The following GOLIM4 variants were observed in gnomAD, a reference collection of about 807,000 sequenced individuals.
The protein encoded by GOLIM4 is golgi integral membrane protein 4.
In GOLIM4, 71 loss-of-function variants were observed where a neutral mutation model predicts 107.4. The ratio of observed to expected loss-of-function variants is 0.66; its 90% confidence interval spans 0.55 to 0.81. GOLIM4 has a LOEUF of 0.81. Among genes scored for constraint, GOLIM4 ranks in the 30% least tolerant of loss-of-function variants. GOLIM4 has a pLI of 0.00. For missense variants in GOLIM4, 830 were observed against 826.1 expected (o/e 1.00, Z -0.06); for synonymous variants, 327 against 294.8 (o/e 1.11, Z -1.12).
chr3:168,017,810 A>G (rs566862833), intron 14 of GOLIM4, among the ~76,000 whole-genome samples: 1 of 152,156 alleles, frequency 6.6e-6, no homozygotes, highest in East Asian at 1.9e-4. Context: ...AGTCTATTGA[A>G]CTGCCTCAAA....
intron 1 of GOLIM4, among the ~76,000 whole-genome samples, chr3:168,061,957 G>A (rs577339374): frequency 6.6e-6 from 1 of 152,180 alleles, no homozygotes; most frequent in South Asian, 2.1e-4. Flanking sequence ...CTTATGATTC[G>A]TGTACTTTTG....
At chr3:168,027,989 A>T (rs779073453) in intron 11 of GOLIM4, 152 bp from the exon 12 acceptor site, 4 of 625,518 alleles carry the variant, frequency 6.4e-6, no homozygotes, top group Non-Finnish European at 1.1e-5. Context: ...GGCTTTTCTG[A>T]ATAAGGTTAT....
intron 1 of GOLIM4, among the ~76,000 whole-genome samples, chr3:168,090,217 C>G (rs981616096): frequency 1.3e-5 from 2 of 151,610 alleles, no homozygotes; most frequent in South Asian, 4.2e-4. Flanking sequence ...GTCTGCACAC[C>G]GAAAGAAACA....
chr3:168,078,226 A>G (rs1721164035), intron 1 of GOLIM4, among the ~76,000 whole-genome samples: 4 of 152,184 alleles, frequency 2.6e-5, no homozygotes, highest in Admixed American at 2.6e-4. Flanking sequence ...TGTTATTTTA[A>G]TAAAAAATTA....
In GOLIM4 at chr3:168,043,484, C is replaced by G; in HGVS notation, c.412G>C (p.Glu138Gln). 2.5e-6 allele frequency: 4 copies of G among 1,613,538 alleles called. No homozygotes were observed. Among genetic ancestry groups the G allele is most frequent in the Non-Finnish European group, 3.4e-6 (4 of 1,179,702 alleles). ...AAGTCTTCCCCTTGTTTGCGATGTT[C>G]CTCTTCCAAGTCACTGTGCTGTTTC... ...LKKQHSDLEE[E>Q]HRKQGEDFSR... The change falls in exon 5 of 16, where the codon GAA (glutamate) becomes CAA (glutamine). Residue 138 changes from glutamate to glutamine, a missense_variant. Physicochemically the swap from Glu to Gln is conservative, Grantham distance 29. Coordinates refer to ENST00000470487, the MANE Select transcript of GOLIM4 (RefSeq NM_014498.5).
intron 12 of GOLIM4, 49 bp downstream of exon 12, chr3:168,027,679 C>T: frequency 8.9e-7 from 1 of 1,117,754 alleles, no homozygotes; most frequent in Middle Eastern, 2.0e-4. Context: ...AACTCTCTTT[C>T]CCACCTTATG....
intron 1 of GOLIM4, among the ~76,000 whole-genome samples, chr3:168,058,219 G>A (rs1290141675): frequency 1.3e-5 from 2 of 152,062 alleles, no homozygotes; most frequent in African/African-American, 2.4e-5. Context: ...TAATGCATAC[G>A]GTTTGTAAAG....
At chr3:168,053,954 G>C (rs1011381805) in intron 1 of GOLIM4, among the ~76,000 whole-genome samples, 2 of 152,154 alleles carry the variant, frequency 1.3e-5, no homozygotes, top group Admixed American at 1.3e-4. Flanking sequence ...GGCTGACACA[G>C]GACTCTCCCT....
In GOLIM4 at chr3:168,021,112, C is replaced by T. The variant is rs559813558; in HGVS notation, c.1860+3414G>A. Among the ~76,000 whole-genome samples, 20 of 152,184 alleles carry T rather than the reference C, an allele frequency of 1.3e-4. No homozygotes were observed. In the East Asian group the frequency reaches 1.7e-3, roughly 13 times the overall value. On this transcript the variant is annotated intron_variant, in intron 14 of 15. Transcript: ENST00000470487. ...ATCTGATGACACAAAGTTTAATAAA[C>T]GGCCAAATCCAAAATAAAACAGGTC...
intron 15 of GOLIM4, 73 bp downstream of exon 15, chr3:168,010,670 A>C: frequency 9.0e-7 from 1 of 1,110,814 alleles, no homozygotes. Flanking sequence ...TCCCAAATAC[A>C]TATATCTCTC....
At chr3:168,089,673 A>C (rs891969941) in intron 1 of GOLIM4, among the ~76,000 whole-genome samples, 1 of 152,132 alleles carries the variant, frequency 6.6e-6, no homozygotes, top group African/African-American at 2.4e-5. Flanking sequence ...GCACATTAAT[A>C]GGCCAAGAAA....
intron 1 of GOLIM4, among the ~76,000 whole-genome samples, chr3:168,058,382 C>T (rs1426686645): frequency 1.3e-5 from 2 of 152,188 alleles, no homozygotes; most frequent in Non-Finnish European, 2.9e-5. Flanking sequence ...ACATACATTT[C>T]TTCATGCTGT....
intron 1 of GOLIM4, among the ~76,000 whole-genome samples, chr3:168,071,905 T>C (rs988146241): frequency 2.0e-5 from 3 of 152,192 alleles, no homozygotes; most frequent in Non-Finnish European, 4.4e-5. Flanking sequence ...GAAACGCCTG[T>C]GACGGAGTTT....
At chr3:168,027,467 A>G (rs764690769) in intron 12 of GOLIM4, among the ~76,000 whole-genome samples, 2 of 148,590 alleles carry the variant, frequency 1.3e-5, no homozygotes, top group Non-Finnish European at 2.9e-5. Flanking sequence ...TTATTAATCT[A>G]AAAGTCATCA....
intron 1 of GOLIM4, among the ~76,000 whole-genome samples, chr3:168,071,313 A>G (rs1001311713): frequency 6.6e-6 from 1 of 152,230 alleles, no homozygotes; most frequent in Non-Finnish European, 1.5e-5. Flanking sequence ...TTTTAAATCC[A>G]TAATGTTAAA....
At chr3:168,010,913 G>T in intron 14 of GOLIM4, 90 bp from the exon 15 acceptor site, 2 of 888,006 alleles carry the variant, frequency 2.3e-6, no homozygotes, top group Non-Finnish European at 3.7e-6. Context: ...TTAAAGACTT[G>T]CAATAATATA....
At chr3:168,046,369 T>C (rs992833018) in intron 3 of GOLIM4, among the ~76,000 whole-genome samples, 4 of 152,140 alleles carry the variant, frequency 2.6e-5, no homozygotes, top group African/African-American at 7.2e-5. Flanking sequence ...GGCAGGGTCA[T>C]AGGACAATAG....
At chr3:168,044,165 C>T (rs943636244) in intron 4 of GOLIM4, among the ~76,000 whole-genome samples, 3 of 152,112 alleles carry the variant, frequency 2.0e-5, no homozygotes, top group East Asian at 1.9e-4. Context: ...GAAAAGATTC[C>T]GGTTTCAATA....
chr3:168,095,311 G>T lies in GOLIM4; in HGVS notation c.-26C>A. The T allele has an allele frequency of 1.3e-6, 2 of 1,595,968 alleles. No homozygotes were observed. Among genetic ancestry groups the T allele is most frequent in the East Asian group, 4.6e-5 (2 of 43,750 alleles). On this transcript the variant is annotated 5_prime_UTR_variant, in exon 1 of 16. Transcript: ENST00000470487. Reference sequence around the variant, plus strand: ...AGTCCCGCCTGGACCCAAAGCCGCGGCCGCCCCCGCCGTCTCCTCCCCTTG... The same window carrying T: ...AGTCCCGCCTGGACCCAAAGCCGCGTCCGCCCCCGCCGTCTCCTCCCCTTG...
Sources: gnomAD v4.1 joint callset for allele counts (sites outside exome capture counted in the v4.1 genomes callset) on GRCh38, gnomAD v4.1.1 for gene constraint, MANE v1.5 for transcripts, NCBI Gene and HGNC (gene_info 2026-07-23, HGNC 2026-07-21) for gene names.